ROBO1: variants seen among roughly 807,000 people sequenced by gnomAD.
ROBO1 encodes roundabout guidance receptor 1.
A neutral mutation model predicts 195.9 loss-of-function variants in ROBO1; 149 were observed. That is an observed-to-expected ratio of 0.76 (90% confidence interval 0.67 to 0.87). The LOEUF (loss-of-function observed/expected upper bound fraction) is 0.87. ROBO1 is among the 40% of genes least tolerant of loss of function. The pLI is 0.00. For synonymous variants in ROBO1, 816 were observed against 733.2 expected, an observed-to-expected ratio of 1.11 and a Z score of -1.82; for missense variants, 1,933 against 2,068.3, an observed-to-expected ratio of 0.93 and a Z score of 1.27.
chr3:78,895,973 C>A (rs975922494), intron 4 of ROBO1, among the ~76,000 whole-genome samples: 3 of 152,100 alleles, frequency 2.0e-5, no homozygotes, highest in Non-Finnish European at 4.4e-5. Context: ...TTTAATTAAT[C>A]CTTTTAGATA....
chr3:79,503,046 AGGTCTCT>A (rs1940189432), intron 2 of ROBO1, among the ~76,000 whole-genome samples: 1 of 152,178 alleles, frequency 6.6e-6, no homozygotes, highest in Non-Finnish European at 1.5e-5. Context: ...ACAACCTCTC[AGGTCTCT>A]TTCCACACTG....
At position 78,987,794 on chromosome 3, in the gene ROBO1, G is replaced by A. The variant is rs189737649; in HGVS notation, c.173-48867C>T. ...TATCTGTAATACAAAGGAGAAATGTGTGAGGTGATGGATACCCCCATTTAC... is the reference window on the plus strand; with the variant it reads ...TATCTGTAATACAAAGGAGAAATGTATGAGGTGATGGATACCCCCATTTAC... On this transcript the variant is annotated intron_variant, in intron 3 of 30. Transcript: ENST00000464233. 3.2e-3 allele frequency among the ~76,000 whole-genome samples: 489 copies of A among 152,116 alleles called. 3 individuals carry two copies. The highest frequency in any genetic ancestry group is 0.02 in the Middle Eastern group (6 of 294).
At chr3:79,754,037 A>G (rs1704258122) in intron 1 of ROBO1, among the ~76,000 whole-genome samples, 1 of 152,198 alleles carries the variant, frequency 6.6e-6, no homozygotes, top group African/African-American at 2.4e-5. Flanking sequence ...GGGTGGTCTA[A>G]GGATACAAGG....
intron 4 of ROBO1, among the ~76,000 whole-genome samples, chr3:78,748,518 C>G (rs1164619015): frequency 1.3e-5 from 2 of 151,948 alleles, no homozygotes; most frequent in East Asian, 3.8e-4. Flanking sequence ...ATATTTATTA[C>G]TATAATTTTG....
chr3:79,623,117 A>G (rs1945059961), intron 1 of ROBO1, among the ~76,000 whole-genome samples: 1 of 150,522 alleles, frequency 6.6e-6, no homozygotes, highest in Non-Finnish European at 1.5e-5. Context: ...GAACCTACAG[A>G]AAGCAGTAAC....
chr3:79,436,025 A>G (rs1173880570), intron 2 of ROBO1, among the ~76,000 whole-genome samples: 2 of 152,168 alleles, frequency 1.3e-5, no homozygotes, highest in African/African-American at 4.8e-5. Context: ...CTGCAGAGAT[A>G]AAACCCTGTG....
intron 2 of ROBO1, among the ~76,000 whole-genome samples, chr3:79,407,047 T>G (rs912622463): frequency 3.9e-5 from 6 of 152,116 alleles, no homozygotes; most frequent in African/African-American, 1.4e-4. Context: ...GCCTCCCAAG[T>G]AGCAGGGATT....
At chr3:78,818,100 T>C (rs1386389658) in intron 4 of ROBO1, among the ~76,000 whole-genome samples, 5 of 152,150 alleles carry the variant, frequency 3.3e-5, no homozygotes, top group African/African-American at 1.2e-4. Flanking sequence ...ACTGCATCAG[T>C]TGCAGTACTT....
chr3:79,719,193 G>A (rs1702602723), intron 1 of ROBO1, among the ~76,000 whole-genome samples: 1 of 151,894 alleles, frequency 6.6e-6, no homozygotes, highest in Non-Finnish European at 1.5e-5. Flanking sequence ...AAAAAAGATA[G>A]AATAAAAGTA....
intron 1 of ROBO1, among the ~76,000 whole-genome samples, chr3:79,763,546 T>G (rs886138340): frequency 5.3e-5 from 8 of 152,066 alleles, no homozygotes; most frequent in Admixed American, 3.3e-4. Flanking sequence ...ATTTTGCAGA[T>G]TAGAGAAGAC....
intron 3 of ROBO1, among the ~76,000 whole-genome samples, chr3:78,976,643 A>G (rs1294529137): frequency 1.3e-5 from 2 of 152,152 alleles, no homozygotes; most frequent in Non-Finnish European, 2.9e-5. Context: ...TTTTAGTTCT[A>G]TCTCAATCCT....
At chr3:78,701,238 T>TA (rs1258086804) in intron 8 of ROBO1, among the ~76,000 whole-genome samples, 1 of 152,258 alleles carries the variant, frequency 6.6e-6, no homozygotes, top group African/African-American at 2.4e-5. Context: ...ACAACATATG[T>TA]ATTGATACAT....
At chr3:79,411,498 T>C (rs2037764154) in intron 2 of ROBO1, among the ~76,000 whole-genome samples, 1 of 152,176 alleles carries the variant, frequency 6.6e-6, no homozygotes, top group African/African-American at 2.4e-5. Flanking sequence ...TGTTTCTCAT[T>C]GTATTTTCTT....
intron 2 of ROBO1, among the ~76,000 whole-genome samples, chr3:79,374,209 C>G (rs2109348332): frequency 6.6e-6 from 1 of 152,156 alleles, no homozygotes; most frequent in African/African-American, 2.4e-5. Context: ...AATTTATCAC[C>G]CAATTCCTAT....
At chr3:78,908,604 G>A (rs192124296) in intron 4 of ROBO1, among the ~76,000 whole-genome samples, 13 of 151,914 alleles carry the variant, frequency 8.6e-5, no homozygotes, top group Admixed American at 3.9e-4. Context: ...TATGCTATGC[G>A]AATTCCTCCC....
chr3:79,700,794 T>C, intron 1 of ROBO1, among the ~76,000 whole-genome samples: 1 of 151,794 alleles, frequency 6.6e-6, no homozygotes, highest in Non-Finnish European at 1.5e-5. Flanking sequence ...GCATACTTTG[T>C]GAATATTTTC....
intron 3 of ROBO1, among the ~76,000 whole-genome samples, chr3:79,036,008 T>C (rs183129986): frequency 5.9e-5 from 9 of 152,242 alleles, no homozygotes; most frequent in Admixed American, 3.9e-4. Flanking sequence ...TTCTTTAAAA[T>C]TGATGAGGCA....
At chr3:79,292,078 A>G (rs2032283645) in intron 2 of ROBO1, among the ~76,000 whole-genome samples, 1 of 152,210 alleles carries the variant, frequency 6.6e-6, no homozygotes, top group Non-Finnish European at 1.5e-5. Context: ...CTGTCTTGAA[A>G]GTGATTGCCT....
At chr3:79,762,095 A>G (rs1704729893) in intron 1 of ROBO1, among the ~76,000 whole-genome samples, 1 of 152,182 alleles carries the variant, frequency 6.6e-6, no homozygotes, top group South Asian at 2.1e-4. Flanking sequence ...GTGCTACAAC[A>G]AAGTGCTATG....
Sources: allele counts gnomAD v4.1 joint callset (sites outside exome capture counted in the v4.1 genomes callset), GRCh38; gene constraint gnomAD v4.1.1; transcripts MANE v1.5; gene names NCBI Gene and HGNC (gene_info 2026-07-23, HGNC 2026-07-21).